The following LRP8 variants were observed in gnomAD, a reference collection of about 807,000 sequenced individuals.
LRP8 encodes LDL receptor related protein 8, also known as low-density lipoprotein receptor-related protein 8.
A neutral mutation model predicts 111.6 loss-of-function variants in LRP8; 46 were observed. That is an observed-to-expected ratio of 0.41 (90% confidence interval 0.33 to 0.53). LRP8 has a LOEUF of 0.53. Ranked by LOEUF, LRP8 falls within the 20% of genes least tolerant of loss-of-function variation. LRP8 has a pLI of 0.20. For synonymous variants in LRP8, 464 were observed against 511.2 expected (o/e 0.91, Z 1.24); for missense variants, 959 against 1,297.4 (o/e 0.74, Z 4.01).
intron 3 of LRP8, among the ~76,000 whole-genome samples, chr1:53,287,854 T>A (rs909972383): frequency 6.8e-6 from 1 of 147,806 alleles, no homozygotes; most frequent in African/African-American, 2.5e-5. Context: ...GAAGAGATGG[T>A]GAGAGGGAGG....
At chr1:53,259,093 C>T (rs1021002838) in intron 13 of LRP8, among the ~76,000 whole-genome samples, 1 of 152,026 alleles carries the variant, frequency 6.6e-6, no homozygotes, top group African/African-American at 2.4e-5. Flanking sequence ...ATTGTGAAGC[C>T]CTTCTACTTT....
rs758391895 is a variant in LRP8, at chr1:53,303,156, T to TC, written c.245-13468dup. Reference sequence around the variant, plus strand: ...GCGGCTTATTTCTTACCACCACCACTCCCCCACTGCTCCAGCTTTCCTACA... The same window carrying TC: ...GCGGCTTATTTCTTACCACCACCACTCCCCCCACTGCTCCAGCTTTCCTACA... On this transcript the variant is annotated intron_variant, in intron 2 of 18. Transcript: ENST00000306052. This position sits in a 1 kb window ranked among gnomAD's most constrained non-coding sequence, Gnocchi z 4.3. Among the ~76,000 whole-genome samples, 7 of 152,050 alleles carry TC rather than the reference T, an allele frequency of 4.6e-5. No homozygotes were observed. The highest frequency in any genetic ancestry group is 1.0e-4 in the Non-Finnish European group (7 of 67,996).
intron 2 of LRP8, among the ~76,000 whole-genome samples, 199 bp downstream of exon 2, chr1:53,326,674 T>A (rs1458716617): frequency 1.3e-5 from 2 of 152,056 alleles, no homozygotes; most frequent in African/African-American, 4.8e-5. Context: ...ACACGCCAGC[T>A]TTCCTGCCCG....
chr1:53,258,308 G>C lies in LRP8; in HGVS notation c.2209+11C>G. On this transcript the variant is annotated intron_variant, in intron 14 of 18. Transcript: ENST00000306052. ...CTGCCAGGGGCCATCCCTCCTGGAAGGTCTGCTTACCTCGGTAGCACCTCT... is the reference window on the plus strand; with the variant it reads ...CTGCCAGGGGCCATCCCTCCTGGAACGTCTGCTTACCTCGGTAGCACCTCT... The C allele has an allele frequency of 6.2e-7, 1 of 1,612,564 alleles. No individual in the cohort carries two copies. Among genetic ancestry groups the C allele is most frequent in the Non-Finnish European group, 8.5e-7 (1 of 1,179,174 alleles).
At chr1:53,297,434 A>G (rs2297826) in intron 2 of LRP8, among the ~76,000 whole-genome samples, 77,834 of 152,050 alleles carry the variant, frequency 0.51, 20,591 homozygotes, top group East Asian at 0.9. Context: ...AGGGTGCAGG[A>G]GCCAGCACCC....
intron 2 of LRP8, among the ~76,000 whole-genome samples, chr1:53,292,489 C>T (rs1033663507): frequency 2.0e-5 from 3 of 152,184 alleles, no homozygotes; most frequent in Non-Finnish European, 2.9e-5. Flanking sequence ...GCGAATACCA[C>T]CTATTGGTAA....
intron 16 of LRP8, among the ~76,000 whole-genome samples, chr1:53,254,201 T>C (rs1254774876): frequency 6.6e-6 from 1 of 152,060 alleles, no homozygotes; most frequent in Non-Finnish European, 1.5e-5. Flanking sequence ...GGATACCGTG[T>C]GGTCATCAGG....
intron 14 of LRP8, 55 bp downstream of exon 14, chr1:53,258,264 A>G: frequency 6.5e-7 from 1 of 1,540,618 alleles, no homozygotes; most frequent in Non-Finnish European, 8.8e-7. Flanking sequence ...GGAAGATTTC[A>G]GCAGGGTAGG....
At position 53,326,934 on chromosome 1, in the gene LRP8, G is replaced by A; in HGVS notation, c.183C>T (p.Pro61=). Residue 61 remains proline (P), a synonymous_variant, in exon 2 of 19, where the codon CCC becomes CCT. Coordinates refer to ENST00000306052, the MANE Select transcript of LRP8 (RefSeq NM_004631.5). ...QFQCRNERCI[P]SVWRCDEDDD... Reference sequence around the variant, plus strand: ...CGTCCTCGTCGCATCTCCACACAGAGGGGATGCAGCGCTCGTTCCGGCACT... The same window carrying A: ...CGTCCTCGTCGCATCTCCACACAGAAGGGATGCAGCGCTCGTTCCGGCACT... 5 of 1,613,968 alleles carry A rather than the reference G, an allele frequency of 3.1e-6. No individual in the cohort carries two copies. The highest frequency in any genetic ancestry group is 4.2e-6 in the Non-Finnish European group (5 of 1,180,008).
chr1:53,281,750 C>T (rs535569064), intron 3 of LRP8, among the ~76,000 whole-genome samples: 3 of 152,326 alleles, frequency 2.0e-5, no homozygotes, highest in South Asian at 4.1e-4. Flanking sequence ...ATAATACTAT[C>T]TCTCATAGGA....
chr1:53,289,266 ACAG>A, intron 3 of LRP8: 1 of 236,088 alleles, frequency 4.2e-6, no homozygotes, highest in Non-Finnish European at 8.4e-6. Flanking sequence ...GTCCTCAAGA[ACAG>A]CAGCAGGGAG....
At chr1:53,258,570 G>A in intron 13 of LRP8, 99 bp from the exon 14 acceptor site, 1 of 1,110,034 alleles carries the variant, frequency 9.0e-7, no homozygotes, top group Non-Finnish European at 1.3e-6. Context: ...TGCTCAAAAA[G>A]CTTGCCCTAT....
chr1:53,327,114 G>C, intron 1 of LRP8, 122 bp from the exon 2 acceptor site: 1 of 1,363,290 alleles, frequency 7.3e-7, no homozygotes, highest in Non-Finnish European at 9.9e-7. Context: ...GGAGACCCCG[G>C]GGGCTTCAGG....
At chr1:53,313,483 T>C (rs964228593) in intron 2 of LRP8, among the ~76,000 whole-genome samples, 1 of 152,108 alleles carries the variant, frequency 6.6e-6, no homozygotes, top group African/African-American at 2.4e-5. Flanking sequence ...GTGGACTGCA[T>C]TGTGAACCAC....
At position 53,271,244 on chromosome 1, in the gene LRP8, T is replaced by G; in HGVS notation, c.1109A>C (p.Asp370Ala). 6.2e-7 allele frequency: 1 copy of G among 1,613,778 alleles called. No individual in the cohort carries two copies. The highest frequency in any genetic ancestry group is 8.5e-7 in the Non-Finnish European group (1 of 1,179,976). The stretch of plus-strand genomic sequence containing the variant: ...GGTCTCACCGCCACAGGTCTTCTGG[T>G]CCAGGAGCTGGAAGCCTGCTGGGCA... ...CTCPAGFQLL[D>A]QKTCGDIDEC... The change falls in exon 7 of 19, where the codon GAC becomes GCC. Residue 370 changes from aspartate (D) to alanine (A), a missense_variant. Asp to Ala is a moderately radical substitution (Grantham distance 126). This residue lies in a region of LRP8 where 819 missense variants were observed against 1,097.6 expected (regional missense o/e 0.75). Transcript: ENST00000306052.
At chr1:53,277,804 C>T (rs1646976354) in intron 4 of LRP8, among the ~76,000 whole-genome samples, 3 of 152,228 alleles carry the variant, frequency 2.0e-5, no homozygotes, top group African/African-American at 7.2e-5. Flanking sequence ...GCCCCTCAGT[C>T]GCGCAGGCGT....
intron 2 of LRP8, among the ~76,000 whole-genome samples, chr1:53,309,826 C>T (rs955945023): frequency 9.2e-5 from 14 of 152,102 alleles, no homozygotes; most frequent in Non-Finnish European, 1.6e-4. Context: ...AGCCCTGGCA[C>T]GGGGCAGGCA....
chr1:53,275,615 C>T lies in LRP8; in HGVS notation c.1006+16G>A. ...ATCCTCACAGAGGATGTGTTCTGTG[C>T]CCTGACCACACGCACCCTGTAGGCA... On this transcript the variant is annotated intron_variant, in intron 6 of 18. Transcript: ENST00000306052. The surrounding 1 kb of genome is among the most constrained non-coding windows in gnomAD (Gnocchi z 4.4). 6.2e-7 allele frequency: 1 copy of T among 1,613,666 alleles called. No individual in the cohort carries two copies. The highest frequency in any genetic ancestry group is 8.5e-7 in the Non-Finnish European group (1 of 1,179,764).
intron 2 of LRP8, among the ~76,000 whole-genome samples, chr1:53,314,823 C>T (rs547497736): frequency 1.6e-4 from 25 of 152,330 alleles, no homozygotes; most frequent in African/African-American, 6.0e-4. Flanking sequence ...CACTCAACAC[C>T]TTCACCAGGG....
Sources: gnomAD v4.1 joint callset for allele counts (sites outside exome capture counted in the v4.1 genomes callset) on GRCh38, gnomAD v4.1.1 for gene constraint, gnomAD v4.1.1 regional missense constraint, Gnocchi (gnomAD v3.1) non-coding constraint, MANE v1.5 for transcripts, NCBI Gene and HGNC (gene_info 2026-07-23, HGNC 2026-07-21) for gene names.